The following NELL2 variants were observed in gnomAD, a reference collection of about 807,000 sequenced individuals.
The protein encoded by NELL2 is neural EGFL like 2.
Under a neutral mutation model 109.6 loss-of-function variants are expected in NELL2, and 41 were observed. The observed-to-expected ratio is 0.37, with a 90% CI of 0.29 to 0.49. The LOEUF is 0.49. Among genes scored for constraint, NELL2 ranks in the 20% least tolerant of loss-of-function variants. NELL2 has a pLI of 0.98. For synonymous variants in NELL2, 355 were observed against 344.7 expected, an observed-to-expected ratio of 1.03 and a Z score of -0.33; for missense variants, 900 against 1,008.3, an observed-to-expected ratio of 0.89 and a Z score of 1.45.
chr12:44,842,907 T>C (rs1369287396), intron 2 of NELL2, among the ~76,000 whole-genome samples: 1 of 151,978 alleles, frequency 6.6e-6, no homozygotes, highest in Non-Finnish European at 1.5e-5. Flanking sequence ...GTGCCAAGAA[T>C]TACCAGGAGC....
rs553022924 is a variant in NELL2 at position 44,839,198 on chromosome 12, T to A, written c.185-23062A>T. Among the ~76,000 whole-genome samples, 12 of 152,334 alleles carry A rather than the reference T, an allele frequency of 7.9e-5. No individual in the cohort carries two copies. In the South Asian group the frequency reaches 2.5e-3, roughly 32 times the overall value. ...TTATGTGCCATTGTACTAATTATGC[T>A]TCTACAGAATATTTATGTGACCCCT... On this transcript the variant is annotated intron_variant, in intron 2 of 19. Transcript: ENST00000429094.
At chr12:44,647,693 G>C (rs1465896120) in intron 13 of NELL2, among the ~76,000 whole-genome samples, 1 of 152,126 alleles carries the variant, frequency 6.6e-6, no homozygotes, top group East Asian at 1.9e-4. Flanking sequence ...TTATACAAGT[G>C]GGAGCTGTTT....
intron 19 of NELL2, 80 bp from the exon 20 acceptor site, chr12:44,509,064 T>A: frequency 8.5e-7 from 1 of 1,179,000 alleles, no homozygotes; most frequent in South Asian, 1.3e-5. Flanking sequence ...TGATTGGTAC[T>A]TACAAACAAA....
At chr12:44,846,130 A>G (rs950570315) in intron 2 of NELL2, among the ~76,000 whole-genome samples, 1 of 152,234 alleles carries the variant, frequency 6.6e-6, no homozygotes, top group Non-Finnish European at 1.5e-5. Context: ...TTGGCCATGC[A>G]CATGGTTTAA....
rs114590904 is a variant in NELL2 at position 44,532,196 on chromosome 12, C to T, written c.1804+385G>A. Reference sequence around the variant, plus strand: ...TGTATGTCATCCTTGGCCACATCATCATTGCATTTCCTCTATCCCCATTTT... The same window carrying T: ...TGTATGTCATCCTTGGCCACATCATTATTGCATTTCCTCTATCCCCATTTT... On this transcript the variant is annotated intron_variant, in intron 16 of 19. Transcript: ENST00000429094. Among the ~76,000 whole-genome samples, 239 of 152,250 alleles carry T rather than the reference C, an allele frequency of 1.6e-3. 1 individual carries two copies. The highest frequency in any genetic ancestry group is 4.2e-3 in the African/African-American group (175 of 41,570).
chr12:44,573,022 A>G (rs1034535418), intron 15 of NELL2, among the ~76,000 whole-genome samples: 4 of 152,208 alleles, frequency 2.6e-5, no homozygotes, highest in African/African-American at 9.6e-5. Context: ...GGGCTGACCC[A>G]AAGGCTGAGG....
intron 1 of NELL2, among the ~76,000 whole-genome samples, chr12:44,894,469 T>C (rs1449841323): frequency 2.0e-5 from 3 of 152,232 alleles, no homozygotes; most frequent in Non-Finnish European, 2.9e-5. Flanking sequence ...ACTCCATCTT[T>C]AATCTTGCAT....
At chr12:44,815,254 A>C (rs1432477442) in intron 3 of NELL2, among the ~76,000 whole-genome samples, 1 of 152,218 alleles carries the variant, frequency 6.6e-6, no homozygotes, top group Non-Finnish European at 1.5e-5. Context: ...GATAGTAGAC[A>C]CCATTTTTAT....
intron 9 of NELL2, among the ~76,000 whole-genome samples, chr12:44,728,975 T>C (rs1290681029): frequency 1.3e-5 from 2 of 151,060 alleles, no homozygotes; most frequent in African/African-American, 2.5e-5. Context: ...CAGAAAATGA[T>C]AACAGAAGAC....
intron 15 of NELL2, among the ~76,000 whole-genome samples, chr12:44,601,033 A>T (rs1410629922): frequency 2.6e-5 from 4 of 152,150 alleles, no homozygotes; most frequent in African/African-American, 9.6e-5. Flanking sequence ...TACAAAAATG[A>T]TCTATTGAAA....
chr12:44,804,501 A>G (rs557867304), intron 3 of NELL2, among the ~76,000 whole-genome samples: 1 of 152,036 alleles, frequency 6.6e-6, no homozygotes, highest in East Asian at 1.9e-4. Flanking sequence ...ACTTTTTAAA[A>G]AGGTAGACAC....
intron 13 of NELL2, among the ~76,000 whole-genome samples, chr12:44,613,144 G>A (rs79577650): frequency 1.3e-3 from 204 of 152,082 alleles, no homozygotes; most frequent in African/African-American, 4.7e-3. Context: ...AAAATGTCAC[G>A]TATTGTGCGA....
chr12:44,915,772 G>T (rs1945824117), upstream of NELL2, among the ~76,000 whole-genome samples: 1 of 151,990 alleles, frequency 6.6e-6, no homozygotes, highest in Admixed American at 6.5e-5. Flanking sequence ...TCTGCATTTT[G>T]TAGGAAGAGA....
chr12:44,740,070 C>T (rs74079187), intron 9 of NELL2, among the ~76,000 whole-genome samples: 8,124 of 152,078 alleles, frequency 0.053, 670 homozygotes, highest in African/African-American at 0.18. Context: ...ACAGAACAAA[C>T]GTACATACCA....
At chr12:44,532,426 A>T in intron 16 of NELL2, 155 bp downstream of exon 16, 1 of 634,816 alleles carries the variant, frequency 1.6e-6, no homozygotes, top group Non-Finnish European at 2.3e-6. Flanking sequence ...ATAATTAGCA[A>T]GAAAAAGTTA....
chr12:44,904,342 T>C (rs979425179), intron 1 of NELL2, among the ~76,000 whole-genome samples: 1 of 152,222 alleles, frequency 6.6e-6, no homozygotes, highest in African/African-American at 2.4e-5. Flanking sequence ...TTCACTTCAC[T>C]TGTTTGGGAA....
intron 9 of NELL2, among the ~76,000 whole-genome samples, chr12:44,738,304 T>C (rs1939760350): frequency 2.6e-5 from 4 of 152,160 alleles, no homozygotes; most frequent in Admixed American, 2.6e-4. Flanking sequence ...CTTCTAGATA[T>C]ATATACAAAA....
chr12:44,888,431 A>G (rs1245524073), intron 1 of NELL2, among the ~76,000 whole-genome samples: 1 of 145,278 alleles, frequency 6.9e-6, no homozygotes, highest in Non-Finnish European at 1.5e-5. Flanking sequence ...CTTCACCTGG[A>G]CTAAGAAAAA....
chr12:44,640,618 G>A (rs1383539929), intron 13 of NELL2, among the ~76,000 whole-genome samples: 1 of 151,652 alleles, frequency 6.6e-6, no homozygotes, highest in Non-Finnish European at 1.5e-5. Context: ...TTTGGAACAT[G>A]GTTGCATAGC....
Sources: allele counts gnomAD v4.1 joint callset (sites outside exome capture counted in the v4.1 genomes callset), GRCh38; gene constraint gnomAD v4.1.1; transcripts MANE v1.5; gene names NCBI Gene and HGNC (gene_info 2026-07-23, HGNC 2026-07-21).